IFT80: variants seen among roughly 807,000 people sequenced by gnomAD.
The protein encoded by IFT80 is intraflagellar transport protein 80 homolog.
Under a neutral mutation model 107.9 loss-of-function variants are expected in IFT80, and 79 were observed. That is an observed-to-expected ratio of 0.73 (90% CI 0.61 to 0.88). The LOEUF (loss-of-function observed/expected upper bound fraction) is 0.88, where lower values mean the gene tolerates loss of function less well. Among genes scored for constraint, IFT80 ranks in the 40% least tolerant of loss-of-function variants. The pLI is 0.00. For missense variants in IFT80, 797 were observed against 914.2 expected (o/e 0.87, Z 1.65); for synonymous variants, 299 against 300.9 (o/e 0.99, Z 0.07).
At chr3:160,289,665 A>T (rs1306697183) in intron 12 of IFT80, among the ~76,000 whole-genome samples, 4 of 152,174 alleles carry the variant, frequency 2.6e-5, no homozygotes, top group African/African-American at 9.7e-5. Context: ...TGCTTTATTC[A>T]TCTTAGTTTG....
At chr3:160,293,495 GCATATT>G (rs1173829048) in intron 12 of IFT80, among the ~76,000 whole-genome samples, 25 of 152,236 alleles carry the variant, frequency 1.6e-4, no homozygotes, top group African/African-American at 5.5e-4. Flanking sequence ...CAAACATTAG[GCATATT>G]CATGCTGGTC....
At chr3:160,396,884 A>G (rs1051278364) in intron 1 of IFT80, among the ~76,000 whole-genome samples, 1 of 152,182 alleles carries the variant, frequency 6.6e-6, no homozygotes, top group African/African-American at 2.4e-5. Context: ...GTATATATAA[A>G]TCTCCAGATT....
chr3:160,258,227 C>A lies in IFT80; in HGVS notation c.*298G>T. 1 of 365,320 alleles carries A rather than the reference C, an allele frequency of 2.7e-6. No homozygotes were observed. Among genetic ancestry groups the A allele is most frequent in the Non-Finnish European group, 5.0e-6 (1 of 200,386 alleles). 22.6% of individuals were successfully genotyped at this position (365,320 alleles called of 1,614,324 possible). On this transcript the variant is annotated 3_prime_UTR_variant, in exon 20 of 20. Transcript: ENST00000326448. The stretch of plus-strand genomic sequence containing the variant: ...TTATCGACATTAATATTTGTTCATG[C>A]TGAAGATTTAGGGATGAAGTAATGG...
At chr3:160,302,531 C>T (rs1187415072) in intron 11 of IFT80, among the ~76,000 whole-genome samples, 2 of 152,026 alleles carry the variant, frequency 1.3e-5, no homozygotes, top group African/African-American at 4.8e-5. Flanking sequence ...AAGGGGCAAA[C>T]ATCTCTATAT....
chr3:160,338,772 G>C (rs942288135), intron 8 of IFT80, among the ~76,000 whole-genome samples: 1 of 152,150 alleles, frequency 6.6e-6, no homozygotes, highest in Non-Finnish European at 1.5e-5. Context: ...CTCTCAGACT[G>C]TATAATACCA....
intron 9 of IFT80, among the ~76,000 whole-genome samples, chr3:160,308,336 G>A (rs1378974681): frequency 1.3e-5 from 2 of 152,066 alleles, no homozygotes; most frequent in Non-Finnish European, 2.9e-5. Flanking sequence ...CAAAGACAGT[G>A]TCTAAAAAAG....
chr3:160,396,340 TA>T, intron 1 of IFT80, among the ~76,000 whole-genome samples: 1 of 145,226 alleles, frequency 6.9e-6, no homozygotes, highest in Non-Finnish European at 1.6e-5. Flanking sequence ...AATACTTACA[TA>T]AATTCATATT....
At chr3:160,371,679 G>T (rs548907663) in intron 5 of IFT80, among the ~76,000 whole-genome samples, 1 of 152,272 alleles carries the variant, frequency 6.6e-6, no homozygotes, top group East Asian at 1.9e-4. Flanking sequence ...CTGGGCTCAA[G>T]TGATCTGCCC....
At chr3:160,395,452 T>C (rs1027092675) in intron 1 of IFT80, among the ~76,000 whole-genome samples, 3 of 152,244 alleles carry the variant, frequency 2.0e-5, no homozygotes, top group Admixed American at 1.3e-4. Context: ...AAAAAGAATT[T>C]CTCTTTGCAA....
At chr3:160,345,131 T>G (rs1388809897) in intron 8 of IFT80, among the ~76,000 whole-genome samples, 4 of 152,154 alleles carry the variant, frequency 2.6e-5, no homozygotes, top group African/African-American at 7.2e-5. Flanking sequence ...CCAAGAGCTA[T>G]CTCCATGTTT....
intron 9 of IFT80, among the ~76,000 whole-genome samples, chr3:160,313,261 A>C (rs2108288427): frequency 6.7e-6 from 1 of 149,664 alleles, no homozygotes. Flanking sequence ...AGAATGATAT[A>C]AAAACTTTAA....
At chr3:160,343,657 G>A (rs1720079291) in intron 8 of IFT80, 1 of 196,236 alleles carries the variant, frequency 5.1e-6, no homozygotes, top group Admixed American at 6.2e-5. Flanking sequence ...TTACCATCCA[G>A]TAATGTACAA....
intron 8 of IFT80, among the ~76,000 whole-genome samples, chr3:160,330,702 A>C (rs1719029667): frequency 6.6e-6 from 1 of 152,072 alleles, no homozygotes; most frequent in Non-Finnish European, 1.5e-5. Context: ...CTACTGGGCC[A>C]ATGACCACAC....
At chr3:160,320,940 C>T (rs892946286) in intron 8 of IFT80, among the ~76,000 whole-genome samples, 20 of 151,728 alleles carry the variant, frequency 1.3e-4, no homozygotes, top group African/African-American at 4.6e-4. Context: ...TCATACATAA[C>T]ATAAAAATAC....
intron 13 of IFT80, 87 bp downstream of exon 13, chr3:160,285,717 T>C: frequency 1.1e-6 from 1 of 915,132 alleles, no homozygotes; most frequent in South Asian, 1.5e-5. Context: ...AATTCCTTTG[T>C]GTCCTCTTTA....
chr3:160,268,322 T>G, intron 19 of IFT80, 91 bp downstream of exon 19: 1 of 1,186,344 alleles, frequency 8.4e-7, no homozygotes, highest in Non-Finnish European at 1.2e-6. Flanking sequence ...AGATTCAAAA[T>G]TTGAATCATT....
intron 18 of IFT80, 85 bp downstream of exon 18, chr3:160,277,221 G>A (rs1714335949): frequency 2.6e-6 from 3 of 1,160,350 alleles, no homozygotes; most frequent in Non-Finnish European, 3.9e-6. Context: ...AAAATATAGT[G>A]GAAAATGTAA....
At position 160,356,685 on chromosome 3, in the gene IFT80, CT is replaced by C. The variant is rs547885961; in HGVS notation, c.640-536del. Among the ~76,000 whole-genome samples, 96 of 152,178 alleles carry C rather than the reference CT, an allele frequency of 6.3e-4. 2 individuals carry two copies. In the South Asian group the frequency reaches 0.016, roughly 26 times the overall value. On this transcript the variant is annotated intron_variant, in intron 7 of 19. Coordinates refer to ENST00000326448, the MANE Select transcript of IFT80 (RefSeq NM_020800.3). ...TACAGGTACATGCTGCCATACTTGG[CT>C]AATTTTTAAATTTTTGTAGAGATGG...
chr3:160,322,953 T>C (rs1305612342), intron 8 of IFT80, among the ~76,000 whole-genome samples: 4 of 151,856 alleles, frequency 2.6e-5, no homozygotes, highest in Non-Finnish European at 4.4e-5. Context: ...GTCAGATGAG[T>C]AGGTTGCGAA....
Sources: allele counts gnomAD v4.1 joint callset (sites outside exome capture counted in the v4.1 genomes callset), GRCh38; gene constraint gnomAD v4.1.1; transcripts MANE v1.5; gene names NCBI Gene and HGNC (gene_info 2026-07-23, HGNC 2026-07-21).